VPS13B: variants seen among roughly 807,000 people sequenced by gnomAD.
VPS13B encodes vacuolar protein sorting 13 homolog B, also known as intermembrane lipid transfer protein VPS13B.
In VPS13B, 285 loss-of-function variants were observed where a neutral mutation model predicts 426.4. The ratio of observed to expected loss-of-function variants is 0.67; its 90% CI spans 0.61 to 0.74. The LOEUF is 0.74. Among genes scored for constraint, VPS13B ranks in the 30% least tolerant of loss-of-function variants. The pLI, the probability that VPS13B is intolerant of heterozygous loss-of-function variation, is 0.00. For synonymous variants in VPS13B, 1,676 were observed against 1,676.4 expected (o/e 1.00, Z 0.01); for missense variants, 4,537 against 4,782.6 (o/e 0.95, Z 1.51).
At chr8:99,742,958 G>A (rs1809835239) in intron 39 of VPS13B, among the ~76,000 whole-genome samples, 1 of 152,240 alleles carries the variant, frequency 6.6e-6, no homozygotes, top group Middle Eastern at 3.4e-3. Context: ...TCAACATAAT[G>A]TTGGAAGTTC....
chr8:99,108,802 A>G (rs532098843), intron 5 of VPS13B, among the ~76,000 whole-genome samples: 55 of 151,926 alleles, frequency 3.6e-4, no homozygotes, highest in Non-Finnish European at 6.8e-4. Flanking sequence ...GTTTTTTCTT[A>G]TGTCTGTGAA....
intron 33 of VPS13B, among the ~76,000 whole-genome samples, chr8:99,615,470 A>C (rs939745444): frequency 3.3e-5 from 5 of 152,208 alleles, no homozygotes; most frequent in Admixed American, 1.3e-4. Context: ...ACAAACACTT[A>C]AGCTTGGCAT....
At chr8:99,423,923 G>C (rs541231010) in intron 21 of VPS13B, among the ~76,000 whole-genome samples, 6 of 152,202 alleles carry the variant, frequency 3.9e-5, no homozygotes, top group Admixed American at 1.3e-4. Flanking sequence ...TGTTTATTAG[G>C]TCCGCTTGGT....
intron 30 of VPS13B, among the ~76,000 whole-genome samples, chr8:99,541,627 C>T (rs1331994630): frequency 1.3e-4 from 20 of 152,140 alleles, no homozygotes; most frequent in Non-Finnish European, 2.9e-5. Context: ...TTGTATAACT[C>T]TTGCCATGTT....
At chr8:99,813,872 G>A (rs1359277931) in intron 44 of VPS13B, among the ~76,000 whole-genome samples, 1 of 152,210 alleles carries the variant, frequency 6.6e-6, no homozygotes, top group Non-Finnish European at 1.5e-5. Context: ...AGTGGCTTAT[G>A]CCTATGATCC....
Position 99,712,624 on chromosome 8 carries a change from C to T in VPS13B, c.6455-4547C>T, listed in dbSNP as rs1338003992. The stretch of plus-strand genomic sequence containing the variant: ...CACCTAAGTCTGGCCGACTTTCTCT[C>T]TTCTTGTTCCAGCCTCCCAAATGTT... On this transcript the variant is annotated intron_variant, in intron 36 of 61. Transcript: ENST00000357162. 1.3e-5 allele frequency among the ~76,000 whole-genome samples: 2 copies of T among 152,116 alleles called. 1 individual carries two copies. The highest frequency in any genetic ancestry group is 4.1e-4 in the South Asian group (2 of 4,822).
chr8:99,751,550 G>A (rs1810395733), intron 39 of VPS13B, among the ~76,000 whole-genome samples: 1 of 152,058 alleles, frequency 6.6e-6, no homozygotes, highest in African/African-American at 2.4e-5. Flanking sequence ...ATGTCTGTCT[G>A]CCTCGCTGAT....
chr8:99,352,569 C>A (rs957505786), intron 19 of VPS13B, among the ~76,000 whole-genome samples: 1 of 152,158 alleles, frequency 6.6e-6, no homozygotes, highest in Admixed American at 6.5e-5. Context: ...CGCAGTGGCT[C>A]ACGCCTGTAA....
intron 51 of VPS13B, among the ~76,000 whole-genome samples, chr8:99,829,279 G>A (rs1334188546): frequency 6.6e-6 from 1 of 152,052 alleles, no homozygotes; most frequent in Non-Finnish European, 1.5e-5. Context: ...CATATTTCTT[G>A]GAGGCTTTGT....
intron 29 of VPS13B, among the ~76,000 whole-genome samples, chr8:99,514,605 A>G (rs1046489683): frequency 1.3e-5 from 2 of 152,240 alleles, no homozygotes; most frequent in Middle Eastern, 3.2e-3. Flanking sequence ...TGCTGCATGT[A>G]TCAGAACTTC....
chr8:99,513,585 A>C (rs1309049915), intron 29 of VPS13B, among the ~76,000 whole-genome samples: 1 of 152,172 alleles, frequency 6.6e-6, no homozygotes, highest in Admixed American at 6.5e-5. Flanking sequence ...ATTGTGTCTG[A>C]ATAATAATTG....
intron 18 of VPS13B, 43 bp from the exon 19 acceptor site, chr8:99,275,038 C>A: frequency 1.3e-6 from 2 of 1,487,490 alleles, no homozygotes; most frequent in Non-Finnish European, 1.8e-6. Flanking sequence ...TCAAGTGACT[C>A]ATGTTTTATT....
chr8:99,400,573 TTTTAA>T (rs1441257566), intron 21 of VPS13B, among the ~76,000 whole-genome samples: 3 of 152,234 alleles, frequency 2.0e-5, no homozygotes, highest in Admixed American at 2.0e-4. Context: ...TGTAAGGTTA[TTTTAA>T]TTTTATTATT....
intron 3 of VPS13B, among the ~76,000 whole-genome samples, chr8:99,049,911 A>T (rs1360030518): frequency 6.6e-6 from 1 of 151,144 alleles, no homozygotes; most frequent in East Asian, 1.9e-4. Context: ...TAATTTGAAC[A>T]CCTTGTCTTT....
chr8:99,262,657 A>G (rs1269664780), intron 17 of VPS13B, among the ~76,000 whole-genome samples: 1 of 152,200 alleles, frequency 6.6e-6, no homozygotes, highest in Non-Finnish European at 1.5e-5. Context: ...ATCTTTTAAA[A>G]TAATTTACCT....
At chr8:99,584,508 A>G (rs1044210590) in intron 33 of VPS13B, among the ~76,000 whole-genome samples, 5 of 152,226 alleles carry the variant, frequency 3.3e-5, no homozygotes, top group Non-Finnish European at 7.3e-5. Flanking sequence ...TATATGCCAG[A>G]TACACTGGCT....
Position 99,029,713 on chromosome 8 carries a change from C to G in VPS13B, c.148-8710C>G, listed in dbSNP as rs981119557. Among the ~76,000 whole-genome samples the G allele has an allele frequency of 3.3e-5, 5 of 150,860 alleles. No homozygotes were observed. The South Asian group carries it at 6.3e-4, about 19-fold the overall frequency. Reference sequence around the variant, plus strand: ...ATCAGGCAGGGATTTTGCAGTGAGCCGAGATGGCAGCAGTACAGTCCAGCT... The same window carrying G: ...ATCAGGCAGGGATTTTGCAGTGAGCGGAGATGGCAGCAGTACAGTCCAGCT... On this transcript the variant is annotated intron_variant, in intron 2 of 61. Coordinates refer to ENST00000357162, the MANE Select transcript of VPS13B (RefSeq NM_152564.5).
chr8:99,055,176 C>A (rs1350290197), intron 3 of VPS13B, among the ~76,000 whole-genome samples: 1 of 151,764 alleles, frequency 6.6e-6, no homozygotes, highest in Non-Finnish European at 1.5e-5. Flanking sequence ...GTAGCTGGGA[C>A]TATAAACATG....
intron 22 of VPS13B, among the ~76,000 whole-genome samples, chr8:99,442,148 C>T (rs907649973): frequency 6.6e-6 from 1 of 152,130 alleles, no homozygotes; most frequent in African/African-American, 2.4e-5. Flanking sequence ...CACTTTCTAA[C>T]TCAATCTTGT....
Sources: allele counts gnomAD v4.1 joint callset (sites outside exome capture counted in the v4.1 genomes callset), GRCh38; gene constraint gnomAD v4.1.1; transcripts MANE v1.5; gene names NCBI Gene and HGNC (gene_info 2026-07-23, HGNC 2026-07-21).